UPB1: variants seen among roughly 807,000 people sequenced by gnomAD.
UPB1 encodes beta-ureidopropionase.
Under a neutral mutation model 49.1 loss-of-function variants are expected in UPB1, and 40 were observed. The observed-to-expected ratio is 0.81, with a 90% CI of 0.63 to 1.06. The LOEUF (loss-of-function observed/expected upper bound fraction) is 1.06, where lower values mean the gene tolerates loss of function less well. Ranked by LOEUF, UPB1 falls within the 50% of genes least tolerant of loss-of-function variation. The pLI is 0.00. For synonymous variants in UPB1, 207 were observed against 198.2 expected (o/e 1.04, Z -0.38); for missense variants, 499 against 505.9 (o/e 0.99, Z 0.13).
intron 1 of UPB1, 24 bp from the exon 2 acceptor site, chr22:24,500,083 C>T (rs766290521): frequency 6.2e-7 from 1 of 1,613,976 alleles, no homozygotes; most frequent in Non-Finnish European, 8.5e-7. Context: ...AAATCCCCTT[C>T]CCTCTTTTTT....
At chr22:24,496,979 C>T (rs1286915427) in intron 1 of UPB1, among the ~76,000 whole-genome samples, 1 of 152,104 alleles carries the variant, frequency 6.6e-6, no homozygotes, top group Non-Finnish European at 1.5e-5. Flanking sequence ...CAGGGAGAGA[C>T]AGCAAGTGAG....
chr22:24,515,098 A>C (rs1320011973), intron 5 of UPB1, 103 bp from the exon 6 acceptor site: 5 of 1,433,960 alleles, frequency 3.5e-6, no homozygotes, highest in Non-Finnish European at 4.9e-6. Flanking sequence ...CACACTCAGG[A>C]GTGTAACCAC....
At chr22:24,504,751 G>A (rs1235363999) in intron 3 of UPB1, among the ~76,000 whole-genome samples, 1 of 85,814 alleles carries the variant, frequency 1.2e-5, no homozygotes, top group African/African-American at 4.5e-5. Context: ...TTTTTGATAC[G>A]TGGTCTTACT....
chr22:24,525,492 G>A (rs775073971), intron 9 of UPB1, among the ~76,000 whole-genome samples: 18 of 152,182 alleles, frequency 1.2e-4, no homozygotes, highest in Non-Finnish European at 2.1e-4. Context: ...TAGACAGGTC[G>A]AAGGGGTCAC....
At chr22:24,520,583 T>A in intron 7 of UPB1, 115 bp downstream of exon 7, 1 of 1,198,022 alleles carries the variant, frequency 8.3e-7, no homozygotes, top group Non-Finnish European at 1.2e-6. Flanking sequence ...GGGGTAAAAC[T>A]GGCTTGGTCC....
At chr22:24,522,064 A>G in intron 8 of UPB1, 36 bp downstream of exon 8, 1 of 1,611,212 alleles carries the variant, frequency 6.2e-7, no homozygotes, top group Non-Finnish European at 8.5e-7. Context: ...GCAGTTGAGG[A>G]GTGGGCCTTC....
At chr22:24,496,369 TCAAACA>T (rs1174928206) in intron 1 of UPB1, among the ~76,000 whole-genome samples, 6 of 128,012 alleles carry the variant, frequency 4.7e-5, no homozygotes, top group Admixed American at 4.6e-4. Flanking sequence ...AGGCCCTGTC[TCAAACA>T]CACACACACA....
At chr22:24,521,221 C>A (rs2044385885) in intron 7 of UPB1, among the ~76,000 whole-genome samples, 1 of 149,886 alleles carries the variant, frequency 6.7e-6, no homozygotes, top group African/African-American at 2.5e-5. Flanking sequence ...GACGCTCATG[C>A]CTGTAATCCC....
chr22:24,500,262 C>T lies in UPB1; in HGVS notation c.260C>T (p.Ala87Val). 1 of 1,614,160 alleles carries T rather than the reference C, an allele frequency of 6.2e-7. No individual in the cohort carries two copies. Among genetic ancestry groups the T allele is most frequent in the Non-Finnish European group, 8.5e-7 (1 of 1,180,036 alleles). ...AACAGAATCCCCCTCCCCGCAAATGCCCCTGTGGCAGAACAGGTGCAGACT... is the reference window on the plus strand; with the variant it reads ...AACAGAATCCCCCTCCCCGCAAATGTCCCTGTGGCAGAACAGGTGCAGACT... ...VQNRIPLPAN[A>V]PVAEQVSALH... Residue 87 changes from alanine to valine, a missense_variant, in exon 2 of 10, where the codon GCC becomes GTC. Physicochemically the swap from Ala to Val is moderately conservative, Grantham distance 64. Transcript: ENST00000326010.
In UPB1 at chr22:24,495,375, G is replaced by T. The variant is rs1055672770; in HGVS notation, c.-29G>T. ...CGGGCAAAGGGCAGGCAGTTCGTGCGCGGACACAAGCACTGGCGGACCGTG... is the reference window on the plus strand; with the variant it reads ...CGGGCAAAGGGCAGGCAGTTCGTGCTCGGACACAAGCACTGGCGGACCGTG... On this transcript the variant is annotated 5_prime_UTR_variant, in exon 1 of 10. Transcript: ENST00000326010. 5 of 1,610,262 alleles carry T rather than the reference G, an allele frequency of 3.1e-6. No individual in the cohort carries two copies. The African/African-American group carries it at 5.3e-5, about 17-fold the overall frequency.
Position 24,527,550 on chromosome 22 carries a change from G to A in UPB1, c.*1756G>A, listed in dbSNP as rs553769752. ...TAACCAGAGTATCGGGTTGGAGGTG[G>A]GGTTGAGATTCTGTAATTCCCCGCT... On this transcript the variant is annotated 3_prime_UTR_variant, in exon 10 of 10. Transcript: ENST00000326010. The A allele has an allele frequency of 2.0e-5, 3 of 152,196 alleles. No individual in the cohort carries two copies. Among genetic ancestry groups the A allele is most frequent in the Admixed American group, 6.5e-5 (1 of 15,278 alleles). 9.4% of individuals were successfully genotyped at this position (152,196 alleles called of 1,614,324 possible). A position where few individuals can be genotyped will look rare whatever the true frequency, so the allele number is the denominator to read the frequency against.
intron 8 of UPB1, 58 bp downstream of exon 8, chr22:24,522,086 TCTGTC>T: frequency 1.3e-6 from 2 of 1,587,996 alleles, no homozygotes; most frequent in Admixed American, 1.7e-5. Context: ...TCTCCCCTTC[TCTGTC>T]TGCTTCCTCC....
chr22:24,523,872 G>T (rs553673170), intron 9 of UPB1, 99 bp downstream of exon 9: 2 of 1,567,000 alleles, frequency 1.3e-6, no homozygotes, highest in African/African-American at 2.7e-5. Flanking sequence ...GCAGCATGAG[G>T]TACCAGCTCC....
intron 9 of UPB1, among the ~76,000 whole-genome samples, 200 bp from the exon 10 acceptor site, chr22:24,525,511 A>G (rs986084564): frequency 2.6e-5 from 4 of 152,200 alleles, no homozygotes; most frequent in African/African-American, 4.8e-5. Flanking sequence ...ACAGCAGCCA[A>G]TGCTGGGCTG....
At position 24,495,458 on chromosome 22, in the gene UPB1, C is replaced by T; in HGVS notation, c.55C>T (p.Leu19Phe). 1.2e-6 allele frequency: 2 copies of T among 1,614,076 alleles called. 1 individual carries two copies. Among genetic ancestry groups the T allele is most frequent in the South Asian group, 2.2e-5 (2 of 91,088 alleles). The stretch of plus-strand genomic sequence containing the variant: ...GGAATGCTTGGAGAAGCACCTGCCG[C>T]TCCCCGACTTGCAGGAAGTGAAGCG... The part of the protein sequence containing the change: ...LEECLEKHLP[L>F]PDLQEVKRVL... The change falls in exon 1 of 10, where the codon CTC becomes TTC. Residue 19 changes from leucine (L) to phenylalanine (F), a missense_variant. By Grantham distance (22) the Leu-to-Phe change is conservative (BLOSUM62 0). Coordinates refer to ENST00000326010, the MANE Select transcript of UPB1 (RefSeq NM_016327.3).
intron 3 of UPB1, among the ~76,000 whole-genome samples, chr22:24,504,053 C>T (rs995439855): frequency 6.6e-6 from 1 of 152,178 alleles, no homozygotes; most frequent in Non-Finnish European, 1.5e-5. Flanking sequence ...GTATGAGGGA[C>T]CCCCTGGTCA....
rs1189040852 is a variant in UPB1 at position 24,526,777 on chromosome 22, G to A, written c.*983G>A. On this transcript the variant is annotated 3_prime_UTR_variant, in exon 10 of 10. Transcript: ENST00000326010. ...AGAGTCAGGGTAAAGAGGGTAGTTGGTAGTCCATGGCATGGTGCAGCAATA... is the reference window on the plus strand; with the variant it reads ...AGAGTCAGGGTAAAGAGGGTAGTTGATAGTCCATGGCATGGTGCAGCAATA... The A allele has an allele frequency of 6.6e-6, 1 of 152,086 alleles. No homozygotes were observed. Among genetic ancestry groups the A allele is most frequent in the Non-Finnish European group, 1.5e-5 (1 of 68,006 alleles). 9.4% of individuals were successfully genotyped at this position (152,086 alleles called of 1,614,324 possible).
At chr22:24,519,412 C>T (rs1321613345) in intron 6 of UPB1, among the ~76,000 whole-genome samples, 2 of 152,158 alleles carry the variant, frequency 1.3e-5, no homozygotes, top group Non-Finnish European at 2.9e-5. Flanking sequence ...GTTCCTCAGA[C>T]AAAAGATAAT....
chr22:24,508,757 T>C (rs1229422461), intron 3 of UPB1, among the ~76,000 whole-genome samples: 1 of 151,050 alleles, frequency 6.6e-6, no homozygotes, highest in Non-Finnish European at 1.5e-5. Context: ...GGTGGGCTCC[T>C]GTAATTTCAG....
Sources: allele counts gnomAD v4.1 joint callset (sites outside exome capture counted in the v4.1 genomes callset), GRCh38; gene constraint gnomAD v4.1.1; transcripts MANE v1.5; gene names NCBI Gene and HGNC (gene_info 2026-07-23, HGNC 2026-07-21).